Variants in MED13L observed in about 807,000 individuals in gnomAD.
The protein encoded by MED13L is mediator complex subunit 13L.
A neutral mutation model predicts 220.9 loss-of-function variants in MED13L; 7 were observed. The ratio of observed to expected loss-of-function variants is 0.03; its 90% CI spans 0.02 to 0.06. The LOEUF (loss-of-function observed/expected upper bound fraction) is 0.06, where lower values mean the gene tolerates loss of function less well. Ranked by LOEUF, MED13L falls within the 10% of genes least tolerant of loss-of-function variation. The pLI is 1.00. For missense variants in MED13L, 1,965 were observed against 2,760.5 expected (o/e 0.71, Z 6.46); for synonymous variants, 1,011 against 1,015.2 (o/e 1.00, Z 0.08).
Position 116,229,276 on chromosome 12 carries a change from A to C in MED13L, c.310+8192T>G, listed in dbSNP as rs1165313760. ...CAATATACCAAATAACAGTTAATCT[A>C]GTGTTAAGACAATTTTCAACACTAT... On this transcript the variant is annotated intron_variant, in intron 2 of 30. Transcript: ENST00000281928. Among the ~76,000 whole-genome samples the C allele has an allele frequency of 2.6e-5, 4 of 152,250 alleles. No individual in the cohort carries two copies. In the East Asian group the frequency reaches 7.7e-4, roughly 29 times the overall value.
intron 2 of MED13L, among the ~76,000 whole-genome samples, chr12:116,170,007 A>AC (rs1472190528): frequency 6.6e-6 from 1 of 152,126 alleles, no homozygotes; most frequent in African/African-American, 2.4e-5. Flanking sequence ...GCAGAGTGAG[A>AC]CCCCGCCTCA....
At chr12:116,130,743 A>G (rs1262267864) in intron 2 of MED13L, among the ~76,000 whole-genome samples, 1 of 152,212 alleles carries the variant, frequency 6.6e-6, no homozygotes, top group Admixed American at 6.5e-5. Flanking sequence ...CAATGCAAGC[A>G]ATACTGGCAT....
chr12:116,238,791 C>T (rs1870336387), intron 1 of MED13L, among the ~76,000 whole-genome samples: 1 of 152,140 alleles, frequency 6.6e-6, no homozygotes. Flanking sequence ...TTCATTTAAT[C>T]CAAATTAAAA....
Position 116,049,957 on chromosome 12 carries a change from T to C in MED13L, c.480-27356A>G, listed in dbSNP as rs528242689. Among the ~76,000 whole-genome samples the C allele has an allele frequency of 2.0e-5, 3 of 152,358 alleles. No individual in the cohort carries two copies. The East Asian group carries it at 5.8e-4, about 29-fold the overall frequency. ...AATGAGAGATACAAAAACACGTATG[T>C]ACTACGTTGCAATGTAAGATCTATT... is the stretch of plus-strand genomic sequence containing the variant. On this transcript the variant is annotated intron_variant, in intron 4 of 30. Transcript: ENST00000281928.
At chr12:116,122,973 A>C (rs926636370) in intron 2 of MED13L, among the ~76,000 whole-genome samples, 1 of 152,224 alleles carries the variant, frequency 6.6e-6, no homozygotes, top group Non-Finnish European at 1.5e-5. Flanking sequence ...TGCACACTGA[A>C]AAAGAAATCT....
intron 2 of MED13L, among the ~76,000 whole-genome samples, chr12:116,174,137 T>C (rs1233870734): frequency 1.3e-5 from 2 of 151,998 alleles, no homozygotes; most frequent in African/African-American, 4.8e-5. Context: ...AACCCCAAAT[T>C]TTCAGGCAAA....
At chr12:116,125,713 C>A (rs1021366389) in intron 2 of MED13L, among the ~76,000 whole-genome samples, 8 of 152,170 alleles carry the variant, frequency 5.3e-5, no homozygotes, top group East Asian at 1.9e-4. Context: ...CAAAACTAAT[C>A]AAATTACTTC....
At chr12:116,016,948 A>T (rs953976033) in intron 7 of MED13L, among the ~76,000 whole-genome samples, 1 of 152,188 alleles carries the variant, frequency 6.6e-6, no homozygotes, top group Non-Finnish European at 1.5e-5. Context: ...ATTCTGTCCT[A>T]TATCTAGAAA....
intron 4 of MED13L, among the ~76,000 whole-genome samples, chr12:116,078,641 A>C (rs996933845): frequency 1.9e-4 from 29 of 152,316 alleles, no homozygotes; most frequent in African/African-American, 6.0e-4. Context: ...CTTTGCTTAC[A>C]TATCATCTAT....
At position 116,007,641 on chromosome 12, in the gene MED13L, A is replaced by G. The variant is rs372464585; in HGVS notation, c.2013-5T>C. ...TTGTTAGGTTGTGCTAAGAGTCTAA[A>G]AGACAAAAAAAAAAAAAAAAAAAAG... On this transcript the variant is annotated splice_region_variant and splice_polypyrimidine_tract_variant and intron_variant, in intron 10 of 30. Coordinates refer to ENST00000281928, the MANE Select transcript of MED13L (RefSeq NM_015335.5). 142 of 1,544,510 alleles carry G rather than the reference A, an allele frequency of 9.2e-5. 1 individual carries two copies. In the African/African-American group the frequency reaches 1.5e-3, roughly 16 times the overall value.
At chr12:116,204,407 T>G (rs17498802) in intron 2 of MED13L, among the ~76,000 whole-genome samples, 22,873 of 152,186 alleles carry the variant, frequency 0.15, 1,946 homozygotes, top group Middle Eastern at 0.22. Context: ...TTGTAAGAAC[T>G]TTCCTGGCTA....
intron 7 of MED13L, among the ~76,000 whole-genome samples, chr12:116,017,122 T>C (rs902080344): frequency 4.6e-5 from 7 of 152,214 alleles, no homozygotes; most frequent in Non-Finnish European, 1.0e-4. Flanking sequence ...TGTGTTTGTT[T>C]TAAGGAATAA....
chr12:116,187,383 G>A (rs1880966861), intron 2 of MED13L, among the ~76,000 whole-genome samples: 1 of 152,128 alleles, frequency 6.6e-6, no homozygotes, highest in Non-Finnish European at 1.5e-5. Context: ...CATAAAAAGT[G>A]CTTTAAACAA....
chr12:115,963,430 G>C lies in MED13L; in HGVS notation c.6477C>G (p.Ser2159=). ...NSQRVPHPLD[S]KTTSDVLRFV... ...ACCTTAAAACATCCGACGTGGTTTT[G>C]GAGTCAAGAGGGTGTGGAACCCGCT... Residue 2159 remains serine (S), a synonymous_variant, in exon 30 of 31, where the codon TCC becomes TCG. Transcript: ENST00000281928. The C allele has an allele frequency of 6.2e-7, 1 of 1,613,688 alleles. No individual in the cohort carries two copies. The highest frequency in any genetic ancestry group is 8.5e-7 in the Non-Finnish European group (1 of 1,179,538).
chr12:116,066,926 A>G (rs894092913), intron 4 of MED13L, among the ~76,000 whole-genome samples: 1 of 152,174 alleles, frequency 6.6e-6, no homozygotes. Flanking sequence ...GACTCTATTA[A>G]GTTTAACAAA....
chr12:115,982,350 A>G lies in MED13L; in HGVS notation c.5175+34T>C, dbSNP rs767052932. 14 of 1,572,510 alleles carry G rather than the reference A, an allele frequency of 8.9e-6. No individual in the cohort carries two copies. The Admixed American group carries it at 2.2e-4, about 24-fold the overall frequency. ...TTTTCATAACAACAAAAATAACAAC[A>G]TCAAAAGTAAATAATAAACTTGCAA... On this transcript the variant is annotated intron_variant, in intron 22 of 30. Transcript: ENST00000281928.
At chr12:115,972,611 T>C (rs1876667216) in intron 25 of MED13L, 1 of 308,990 alleles carries the variant, frequency 3.2e-6, no homozygotes, top group Non-Finnish European at 6.3e-6. Flanking sequence ...TTCAGTACTC[T>C]GCTCTGGAGG....
At chr12:115,998,380 C>G (rs17498131) in intron 14 of MED13L, among the ~76,000 whole-genome samples, 22,551 of 152,182 alleles carry the variant, frequency 0.15, 1,870 homozygotes, top group Middle Eastern at 0.22. Flanking sequence ...ATAATAACCA[C>G]TGAATCACTA....
At chr12:116,232,203 A>G (rs1869624087) in intron 2 of MED13L, 3 of 909,794 alleles carry the variant, frequency 3.3e-6, no homozygotes, top group Non-Finnish European at 3.9e-6. Flanking sequence ...TTCACAACAA[A>G]GGGTAATAAC....
Sources: gnomAD v4.1 joint callset for allele counts (sites outside exome capture counted in the v4.1 genomes callset) on GRCh38, gnomAD v4.1.1 for gene constraint, MANE v1.5 for transcripts, NCBI Gene and HGNC (gene_info 2026-07-23, HGNC 2026-07-21) for gene names.